IGSF5: variants seen among roughly 807,000 people sequenced by gnomAD.
The protein encoded by IGSF5 is immunoglobulin superfamily member 5.
A neutral mutation model predicts 39.4 loss-of-function variants in IGSF5; 41 were observed. That is an observed-to-expected ratio of 1.04 (90% CI 0.81 to 1.35). The LOEUF is 1.35. IGSF5 is among the 40% of genes most tolerant of loss of function. The probability of loss-of-function intolerance (pLI) is 0.00; values close to 1 mark genes in which losing one functional copy is unlikely to be tolerated. For synonymous variants in IGSF5, 183 were observed against 175.3 expected, an observed-to-expected ratio of 1.04 and a Z score of -0.34; for missense variants, 487 against 494.6, an observed-to-expected ratio of 0.98 and a Z score of 0.15.
chr21:39,779,177 T>C lies in IGSF5; in HGVS notation c.806T>C (p.Leu269Pro). The part of the protein sequence containing the change: ...FSLPTWGKVG[L>P]GLAGTMLLTP... ...TTGCCTACTTGGGGCAAAGTTGGACTTGGACTAGCAGGCACCATGCTTCTG... is the reference window on the plus strand; with the variant it reads ...TTGCCTACTTGGGGCAAAGTTGGACCTGGACTAGCAGGCACCATGCTTCTG... Residue 269 changes from leucine (L) to proline (P), a missense_variant, in exon 5 of 9, where the codon CTT becomes CCT. By Grantham distance (98) the Leu-to-Pro change is moderately conservative. Transcript: ENST00000380588. The C allele has an allele frequency of 1.9e-6, 3 of 1,614,158 alleles. No homozygotes were observed. The highest frequency in any genetic ancestry group is 2.5e-6 in the Non-Finnish European group (3 of 1,180,016).
At chr21:39,738,718 G>C in the IGSF5 span, among the ~76,000 whole-genome samples, 412 of 152,010 alleles carry the variant, frequency 2.7e-3, 1 homozygote, top group Middle Eastern at 0.017. The surrounding 1 kb of genome is among the most constrained non-coding windows in gnomAD (Gnocchi z 6.4). Context: ...ACAGGTGAAA[G>C]TTGTGAAAGA....
chr21:39,764,421 A>G (rs891586595), intron 2 of IGSF5, among the ~76,000 whole-genome samples: 1 of 151,834 alleles, frequency 6.6e-6, no homozygotes. Flanking sequence ...GCTCACTGCA[A>G]CCTCTGCCTC....
At chr21:39,718,851 A>T in the IGSF5 span, among the ~76,000 whole-genome samples, 1 of 152,124 alleles carries the variant, frequency 6.6e-6, no homozygotes, top group African/African-American at 2.4e-5. Context: ...TATCAATATG[A>T]TGCTGGCCTC....
intron 8 of IGSF5, among the ~76,000 whole-genome samples, chr21:39,797,773 G>A (rs2087005684): frequency 6.6e-6 from 1 of 151,918 alleles, no homozygotes; most frequent in South Asian, 2.1e-4. Context: ...CTCCCACATG[G>A]GCCTCCCAAA....
intron 2 of IGSF5, 75 bp downstream of exon 2, chr21:39,746,373 A>G: frequency 1.5e-6 from 1 of 651,348 alleles, no homozygotes; most frequent in Non-Finnish European, 2.8e-6. Flanking sequence ...ATAGAGTGAA[A>G]TAGAGTGAAA....
the IGSF5 span, among the ~76,000 whole-genome samples, chr21:39,733,812 GT>G: frequency 1.3e-5 from 2 of 152,158 alleles, no homozygotes; most frequent in African/African-American, 2.4e-5. Context: ...CCTGGCCATC[GT>G]TCTAATCTCT....
the IGSF5 span, among the ~76,000 whole-genome samples, chr21:39,718,281 T>C: frequency 6.6e-6 from 1 of 152,210 alleles, no homozygotes; most frequent in East Asian, 1.9e-4. Context: ...TATAAAACCA[T>C]GTCATCTACA....
At chr21:39,741,199 A>C (rs1178044819), upstream of IGSF5, among the ~76,000 whole-genome samples, 1 of 152,142 alleles carries the variant, frequency 6.6e-6, no homozygotes, top group Non-Finnish European at 1.5e-5. Context: ...AGGGCATGGA[A>C]AGCTGCTTCT....
chr21:39,740,814 C>T (rs768545587), upstream of IGSF5, among the ~76,000 whole-genome samples: 22 of 152,206 alleles, frequency 1.4e-4, no homozygotes, highest in Non-Finnish European at 2.9e-4. Flanking sequence ...ATTGGCCCTT[C>T]AAGTAATAGA....
chr21:39,719,365 A>G, the IGSF5 span, among the ~76,000 whole-genome samples: 4 of 151,972 alleles, frequency 2.6e-5, no homozygotes, highest in Admixed American at 2.6e-4. Context: ...TCCTCAAGGC[A>G]CCAAAACCAG....
chr21:39,729,240 A>G, the IGSF5 span: 1 of 152,024 alleles, frequency 6.6e-6, no homozygotes, highest in Non-Finnish European at 1.5e-5. Flanking sequence ...CGCCACTTCC[A>G]CTCTCCAGCC....
intron 3 of IGSF5, among the ~76,000 whole-genome samples, chr21:39,766,322 G>A (rs1349652526): frequency 2.6e-5 from 4 of 152,066 alleles, no homozygotes; most frequent in Admixed American, 1.3e-4. Flanking sequence ...TTCTGGAAAC[G>A]TATCCTGGAA....
intron 4 of IGSF5, among the ~76,000 whole-genome samples, chr21:39,772,240 G>A (rs1426459649): frequency 2.6e-5 from 4 of 152,328 alleles, no homozygotes; most frequent in South Asian, 2.1e-4. Flanking sequence ...GGACAGTGCT[G>A]TTGGGATTGT....
the IGSF5 span, among the ~76,000 whole-genome samples, chr21:39,715,924 G>C: frequency 6.6e-6 from 1 of 152,144 alleles, no homozygotes; most frequent in East Asian, 1.9e-4. Flanking sequence ...ACCAACCCGG[G>C]GATGTTATTA....
chr21:39,766,109 A>G (rs1213640106), intron 3 of IGSF5, among the ~76,000 whole-genome samples: 1 of 151,978 alleles, frequency 6.6e-6, no homozygotes, highest in Non-Finnish European at 1.5e-5. Flanking sequence ...TCAGTTGGCA[A>G]TAGGCTTAGA....
At chr21:39,759,811 G>T (rs988378282) in intron 2 of IGSF5, among the ~76,000 whole-genome samples, 3 of 150,412 alleles carry the variant, frequency 2.0e-5, no homozygotes, top group Non-Finnish European at 2.9e-5. Flanking sequence ...AGGTTACAGT[G>T]AGCCGAGATT....
chr21:39,750,841 C>T (rs1254870264), intron 2 of IGSF5, among the ~76,000 whole-genome samples: 1 of 152,224 alleles, frequency 6.6e-6, no homozygotes, highest in Non-Finnish European at 1.5e-5. Flanking sequence ...GAGGCAAGGT[C>T]AGTCAGCCAG....
intron 3 of IGSF5, 62 bp downstream of exon 3, chr21:39,765,914 T>G: frequency 6.7e-7 from 1 of 1,482,886 alleles, no homozygotes; most frequent in South Asian, 1.2e-5. Context: ...GGAAGGACCT[T>G]CTAAAGTTCA....
chr21:39,760,980 G>A (rs1398309012), intron 2 of IGSF5, among the ~76,000 whole-genome samples: 1 of 152,162 alleles, frequency 6.6e-6, no homozygotes, highest in African/African-American at 2.4e-5. Flanking sequence ...AAAGCTGGAA[G>A]CATCACATTA....
Sources: allele counts gnomAD v4.1 joint callset (sites outside exome capture counted in the v4.1 genomes callset), GRCh38; gene constraint gnomAD v4.1.1; non-coding constraint Gnocchi (gnomAD v3.1); transcripts MANE v1.5; gene names NCBI Gene and HGNC (gene_info 2026-07-23, HGNC 2026-07-21).